Variants in TGDS observed in about 807,000 individuals in gnomAD.
TGDS encodes TDP-glucose 4,6-dehydratase.
A neutral mutation model predicts 52.3 loss-of-function variants in TGDS; 47 were observed. The ratio of observed to expected loss-of-function variants is 0.90; its 90% CI spans 0.71 to 1.15. TGDS has a LOEUF of 1.15. Among genes scored for constraint, TGDS ranks in the 50% most tolerant of loss-of-function variants. The probability of loss-of-function intolerance (pLI) is 0.00; values close to 1 mark genes in which losing one functional copy is unlikely to be tolerated. For missense variants in TGDS, 375 were observed against 418.4 expected (o/e 0.90, Z 0.90); for synonymous variants, 115 against 136.9 (o/e 0.84, Z 1.12).
chr13:94,595,951 C>T, intron 1 of TGDS, 100 bp downstream of exon 1: 1 of 1,331,924 alleles, frequency 7.5e-7, no homozygotes. Flanking sequence ...GAATAAGGAC[C>T]CCTCAAAGCT....
intron 5 of TGDS, 93 bp downstream of exon 5, chr13:94,583,001 T>A (rs1888852613): frequency 7.4e-7 from 1 of 1,347,990 alleles, no homozygotes; most frequent in Non-Finnish European, 1.0e-6. Context: ...CAAGTGTATA[T>A]AATTTGAGGA....
Position 94,574,548 on chromosome 13 carries a change from T to C in TGDS, c.*234A>G, listed in dbSNP as rs1368518025. On this transcript the variant is annotated 3_prime_UTR_variant, in exon 12 of 12. Coordinates refer to ENST00000261296, the MANE Select transcript of TGDS (RefSeq NM_014305.4). Reference sequence around the variant, plus strand: ...TAGGGAGAGTCTTCTACACCTATTATTTCCTAGTTTCTAGGAGAAAGGGTT... The same window carrying C: ...TAGGGAGAGTCTTCTACACCTATTACTTCCTAGTTTCTAGGAGAAAGGGTT... The C allele has an allele frequency of 2.2e-6, 1 of 456,342 alleles. No homozygotes were observed. The highest frequency in any genetic ancestry group is 2.0e-5 in the African/African-American group (1 of 49,274). 28.3% of individuals were successfully genotyped at this position (456,342 alleles called of 1,614,324 possible).
chr13:94,586,748 ATTATTTTTTTTTTTT>A (rs1334506034), intron 4 of TGDS, among the ~76,000 whole-genome samples: 1 of 88,444 alleles, frequency 1.1e-5, no homozygotes, highest in Non-Finnish European at 2.5e-5. Flanking sequence ...AAGAAATCAA[ATTATTTTTTTTTTTT>A]TTTTTTTTTT....
At chr13:94,591,033 A>C in intron 3 of TGDS, 90 bp from the exon 4 acceptor site, 1 of 828,446 alleles carries the variant, frequency 1.2e-6, no homozygotes, top group East Asian at 2.9e-5. Flanking sequence ...CCTACCTCCC[A>C]CCTCCCTGTT....
chr13:94,579,130 T>C (rs1888705276), intron 7 of TGDS, among the ~76,000 whole-genome samples: 1 of 152,192 alleles, frequency 6.6e-6, no homozygotes, highest in African/African-American at 2.4e-5. Context: ...ATTAAGTGCT[T>C]CAGGAATTTA....
At chr13:94,584,325 C>T (rs1418317597) in intron 4 of TGDS, among the ~76,000 whole-genome samples, 2 of 152,208 alleles carry the variant, frequency 1.3e-5, no homozygotes, top group East Asian at 1.9e-4. Context: ...GGTCCTAATC[C>T]GATCTACCTG....
At chr13:94,591,531 C>T (rs756441153) in intron 3 of TGDS, among the ~76,000 whole-genome samples, 3 of 152,062 alleles carry the variant, frequency 2.0e-5, no homozygotes, top group East Asian at 3.9e-4. Context: ...AGGCAGGGGT[C>T]GCAGTGAGCT....
chr13:94,591,037 C>G, intron 3 of TGDS, 94 bp from the exon 4 acceptor site: 2 of 804,668 alleles, frequency 2.5e-6, no homozygotes, highest in Non-Finnish European at 4.0e-6. Flanking sequence ...CCTCCCACCT[C>G]CCTGTTTAAT....
intron 5 of TGDS, among the ~76,000 whole-genome samples, chr13:94,582,867 T>G (rs1888845284): frequency 6.6e-6 from 1 of 152,226 alleles, no homozygotes; most frequent in South Asian, 2.1e-4. Flanking sequence ...GCTCCTCAGC[T>G]GGCAGATGGC....
Position 94,574,764 on chromosome 13 carries a change from C to T in TGDS, c.*18G>A, listed in dbSNP as rs770114845. The T allele has an allele frequency of 1.8e-5, 27 of 1,534,336 alleles. 1 individual carries two copies. The highest frequency in any genetic ancestry group is 8.3e-5 in the African/African-American group (6 of 72,212). ...TAACTTTCTTCTTTGACAACTGTCT[C>T]GACTATATAAATGGTGATTATACCG... On this transcript the variant is annotated 3_prime_UTR_variant, in exon 12 of 12. Coordinates refer to ENST00000261296, the MANE Select transcript of TGDS (RefSeq NM_014305.4).
In TGDS at chr13:94,593,913, GA is replaced by G. The variant is rs34322805; in HGVS notation, c.87-7del. 7 of 1,535,552 alleles carry G rather than the reference GA, an allele frequency of 4.6e-6. No homozygotes were observed. Among genetic ancestry groups the G allele is most frequent in the South Asian group, 1.2e-5 (1 of 81,564 alleles). Reference sequence around the variant, plus strand: ...AGACAATCATATGTGATGCACTATGGAAAAAAAGTATATCTTGTTAGTGAAA... The same window carrying G: ...AGACAATCATATGTGATGCACTATGGAAAAAAGTATATCTTGTTAGTGAAA... On this transcript the variant is annotated splice_region_variant and splice_polypyrimidine_tract_variant and intron_variant, in intron 1 of 11. Transcript: ENST00000261296.
At chr13:94,587,758 G>A (rs949833198) in intron 4 of TGDS, among the ~76,000 whole-genome samples, 4 of 152,194 alleles carry the variant, frequency 2.6e-5, no homozygotes, top group African/African-American at 4.8e-5. Context: ...AGAACTTTGG[G>A]AGGCTGAGGC....
At position 94,577,051 on chromosome 13, in the gene TGDS, G is replaced by A. The variant is rs180806577; in HGVS notation, c.884+320C>T. ...GGGAAGGCAGAGATTGCAGTGAGCC[G>A]AGATTGCGCCACTGCACTCCAGCCT... On this transcript the variant is annotated intron_variant, in intron 10 of 11. Transcript: ENST00000261296. Among the ~76,000 whole-genome samples the A allele has an allele frequency of 2.4e-3, 368 of 151,110 alleles. 5 individuals are homozygous for A. Among genetic ancestry groups the A allele is most frequent in the African/African-American group, 8.5e-3 (351 of 41,080 alleles).
rs1888659299 is a variant in TGDS at position 94,578,008 on chromosome 13, T to C, written c.822A>G (p.Gln274=). The change falls in exon 9 of 12, where the codon CAA becomes CAG. Residue 274 remains glutamine (Q), a synonymous_variant. Transcript: ENST00000261296. ...SVVQLAKELI[Q]LIKETNSESE... ...ACCTTTTAAAACAGATACATACCAG[T>C]TGTATTAGTTCTTTGGCAAGCTGGA... 1.2e-6 allele frequency: 2 copies of C among 1,613,294 alleles called. No individual in the cohort carries two copies. Among genetic ancestry groups the C allele is most frequent in the Non-Finnish European group, 1.7e-6 (2 of 1,179,644 alleles).
At chr13:94,588,821 G>C (rs1889092557) in intron 4 of TGDS, among the ~76,000 whole-genome samples, 2 of 152,160 alleles carry the variant, frequency 1.3e-5, no homozygotes, top group Admixed American at 6.5e-5. Flanking sequence ...TGCGTAATCA[G>C]ACAGGCAGAG....
intron 11 of TGDS, 34 bp from the exon 12 acceptor site, chr13:94,574,886 AGAAAAG>A: frequency 1.3e-6 from 1 of 753,566 alleles, no homozygotes; most frequent in Non-Finnish European, 1.9e-6. Flanking sequence ...AAAAAAAAAA[AGAAAAG>A]AAAGAAAAAC....
chr13:94,584,714 G>A (rs1888919917), intron 4 of TGDS, among the ~76,000 whole-genome samples: 2 of 152,114 alleles, frequency 1.3e-5, no homozygotes, highest in Admixed American at 1.3e-4. Context: ...AAACATTGAA[G>A]ATAAAACTGA....
At position 94,592,233 on chromosome 13, in the gene TGDS, G is replaced by A. The variant is rs1889225358; in HGVS notation, c.222+8C>T. The A allele has an allele frequency of 2.5e-6, 4 of 1,598,656 alleles. No homozygotes were observed. In the South Asian group the frequency reaches 4.5e-5, roughly 18 times the overall value. The stretch of plus-strand genomic sequence containing the variant: ...AGGCACGGTACAGTTACAAGAAAAT[G>A]TTCATACCTGTATAAATTTGTAGTT... On this transcript the variant is annotated splice_region_variant and intron_variant, in intron 3 of 11. Transcript: ENST00000261296.
chr13:94,578,845 A>C, intron 7 of TGDS, 72 bp from the exon 8 acceptor site: 2 of 923,240 alleles, frequency 2.2e-6, no homozygotes, highest in Non-Finnish European at 3.3e-6. Flanking sequence ...TCATACCAAA[A>C]TTAAAAGATT....
Sources: gnomAD v4.1 joint callset for allele counts (sites outside exome capture counted in the v4.1 genomes callset) on GRCh38, gnomAD v4.1.1 for gene constraint, MANE v1.5 for transcripts, NCBI Gene and HGNC (gene_info 2026-07-23, HGNC 2026-07-21) for gene names.